The following KAT2B variants were observed in gnomAD, a reference collection of about 807,000 sequenced individuals.
KAT2B encodes the protein lysine acetyltransferase 2B, also known as histone acetyltransferase KAT2B.
A neutral mutation model predicts 105.9 loss-of-function variants in KAT2B; 36 were observed. The observed-to-expected ratio is 0.34, with a 90% CI of 0.26 to 0.45. The LOEUF is 0.45. KAT2B is among the 20% of genes least tolerant of loss of function. The pLI, the probability that KAT2B is intolerant of heterozygous loss-of-function variation, is 1.00. For synonymous variants in KAT2B, 397 were observed against 377.9 expected, an observed-to-expected ratio of 1.05 and a Z score of -0.59; for missense variants, 820 against 1,021.6, an observed-to-expected ratio of 0.80 and a Z score of 2.69.
At chr3:20,106,438 TACACACAC>T (rs10554524) in intron 5 of KAT2B, among the ~76,000 whole-genome samples, 4 of 145,714 alleles carry the variant, frequency 2.7e-5, no homozygotes, top group East Asian at 2.0e-4. Flanking sequence ...ACACCAGAAG[TACACACAC>T]ACACACACAC....
chr3:20,048,093 A>T (rs549576486), intron 1 of KAT2B, among the ~76,000 whole-genome samples: 1 of 152,234 alleles, frequency 6.6e-6, no homozygotes, highest in Admixed American at 6.5e-5. Flanking sequence ...CTTTAGCCAC[A>T]TAAGTTTATT....
chr3:20,109,704 T>G (rs1200226899), intron 5 of KAT2B, among the ~76,000 whole-genome samples: 3 of 152,184 alleles, frequency 2.0e-5, no homozygotes, highest in African/African-American at 7.2e-5. Context: ...AATTTCTATA[T>G]GAAGCACCTT....
Position 20,152,399 on chromosome 3 carries a change from C to G in KAT2B, c.2373C>G (p.Asp791Glu), listed in dbSNP as rs762298110. 1 of 1,613,380 alleles carries G rather than the reference C, an allele frequency of 6.2e-7. No individual in the cohort carries two copies. Among genetic ancestry groups the G allele is most frequent in the Non-Finnish European group, 8.5e-7 (1 of 1,179,486 alleles). Residue 791 changes from aspartate to glutamate, a missense_variant, in exon 18 of 18, where the codon GAC becomes GAG. Coordinates refer to ENST00000263754, the MANE Select transcript of KAT2B (RefSeq NM_003884.5). ...TGTCTAAGAAATTATTCATGGCAGACTTACAGCGAGTCTTTACCAATTGCA... is the reference window on the plus strand; with the variant it reads ...TGTCTAAGAAATTATTCATGGCAGAGTTACAGCGAGTCTTTACCAATTGCA... ...YYVSKKLFMADLQRVFTNCKE... is the reference protein window; with the variant it reads ...YYVSKKLFMAELQRVFTNCKE...
At chr3:20,040,928 G>C (rs763704129) in intron 1 of KAT2B, 148 bp downstream of exon 1, 7 of 998,186 alleles carry the variant, frequency 7.0e-6, no homozygotes, top group Non-Finnish European at 6.8e-6. Flanking sequence ...TGCTCTTGTC[G>C]CCCGCGCCCA....
intron 2 of KAT2B, among the ~76,000 whole-genome samples, chr3:20,072,676 C>T (rs1003519777): frequency 6.6e-6 from 1 of 152,162 alleles, no homozygotes; most frequent in Non-Finnish European, 1.5e-5. Flanking sequence ...TTCTTCCTTT[C>T]AAGAGCTGAG....
intron 13 of KAT2B, among the ~76,000 whole-genome samples, chr3:20,144,276 CTTTTTTTTTTTTT>C (rs761735374): frequency 0.4 from 35,567 of 89,964 alleles, 5,741 homozygotes; most frequent in East Asian, 0.73. Context: ...CCTTGGGATT[CTTTTTTTTTTTTT>C]TTTTTTTTTT....
At chr3:20,071,423 G>C (rs1204807263) in intron 1 of KAT2B, among the ~76,000 whole-genome samples, 1 of 152,254 alleles carries the variant, frequency 6.6e-6, no homozygotes, top group Admixed American at 6.5e-5. Flanking sequence ...AAGAATAGTA[G>C]AGAAGGGGCA....
rs1457386601 is a variant in KAT2B at position 20,040,643 on chromosome 3, A to G, written c.166A>G (p.Thr56Ala). 9 of 1,442,104 alleles carry G rather than the reference A, an allele frequency of 6.2e-6. No individual in the cohort carries two copies. The highest frequency in any genetic ancestry group is 8.2e-6 in the Non-Finnish European group (9 of 1,100,928). 89.3% of individuals were successfully genotyped at this position (1,442,104 alleles called of 1,614,324 possible). Reference sequence around the variant, plus strand: ...GGGCTCGGGCGCCTGCGGTCCGGCGACGGCAGTGGCTGCAGCGGGCACGGC... The same window carrying G: ...GGGCTCGGGCGCCTGCGGTCCGGCGGCGGCAGTGGCTGCAGCGGGCACGGC... ...AGGSGACGPA[T>A]AVAAAGTAEG... The change falls in exon 1 of 18, where the codon ACG becomes GCG. Residue 56 changes from threonine (T) to alanine (A), a missense_variant. By Grantham distance (58) the Thr-to-Ala change is moderately conservative (BLOSUM62 0). This residue lies in a region of KAT2B where 190 missense variants were observed against 176.7 expected (regional missense o/e 1.08). Coordinates refer to ENST00000263754, the MANE Select transcript of KAT2B (RefSeq NM_003884.5).
intron 1 of KAT2B, among the ~76,000 whole-genome samples, chr3:20,069,529 CTTTTT>C (rs754535544): frequency 6.1e-5 from 5 of 81,568 alleles, no homozygotes; most frequent in Non-Finnish European, 1.2e-4. Flanking sequence ...CTTTTCTTTT[CTTTTT>C]TTTTTTTTTG....
At position 20,040,448 on chromosome 3, in the gene KAT2B, T is replaced by A. The variant is rs1697689443; in HGVS notation, c.-30T>A. ...TGGCGGCGGCGGCGGCGCCTGACAC[T>A]CGGCGCCTCCTGCCGTGCTCCGGGG... On this transcript the variant is annotated 5_prime_UTR_variant, in exon 1 of 18. Transcript: ENST00000263754. 9.3e-7 allele frequency: 1 copy of A among 1,080,366 alleles called. No individual in the cohort carries two copies. Among genetic ancestry groups the A allele is most frequent in the Non-Finnish European group, 1.1e-6 (1 of 893,588 alleles). 66.9% of individuals were successfully genotyped at this position (1,080,366 alleles called of 1,614,324 possible). A position where few individuals can be genotyped will look rare whatever the true frequency, so the allele number is the denominator to read the frequency against.
intron 2 of KAT2B, among the ~76,000 whole-genome samples, chr3:20,086,438 A>C (rs2125190446): frequency 6.6e-6 from 1 of 152,212 alleles, no homozygotes; most frequent in South Asian, 2.1e-4. Flanking sequence ...GCGCCAACGG[A>C]AAATACAAAA....
chr3:20,051,593 T>C (rs1697917129), intron 1 of KAT2B, among the ~76,000 whole-genome samples: 1 of 152,196 alleles, frequency 6.6e-6, no homozygotes, highest in Non-Finnish European at 1.5e-5. Flanking sequence ...GTGGGCCTAG[T>C]TGATAGAGAT....
intron 3 of KAT2B, among the ~76,000 whole-genome samples, chr3:20,098,846 G>A (rs1435096893): frequency 6.6e-6 from 1 of 152,138 alleles, no homozygotes; most frequent in Non-Finnish European, 1.5e-5. Flanking sequence ...CCCCTGGAAG[G>A]AGTTGAGGTC....
chr3:20,125,928 G>T lies in KAT2B; in HGVS notation c.1437G>T (p.Ser479=), dbSNP rs143548388. 2.4e-5 allele frequency: 39 copies of T among 1,613,686 alleles called. No homozygotes were observed. Among genetic ancestry groups the T allele is most frequent in the Non-Finnish European group, 3.1e-5 (37 of 1,179,980 alleles). The change falls in exon 10 of 18, where the codon TCG becomes TCT. Residue 479 remains serine, a synonymous_variant. Transcript: ENST00000263754. The part of the protein sequence containing the change: ...GPETNFLSAH[S]ARDEAARLEE... ...AGACCAATTTTCTGTCAGCACACTC[G>T]GCCAGGGATGAGGCGGCAAGGTTGG...
At chr3:20,105,301 T>C (rs1698980512) in intron 5 of KAT2B, among the ~76,000 whole-genome samples, 1 of 152,248 alleles carries the variant, frequency 6.6e-6, no homozygotes, top group Non-Finnish European at 1.5e-5. Context: ...TTCATGATAG[T>C]ACACTATTTA....
At chr3:20,113,986 A>G (rs1217531779) in intron 6 of KAT2B, among the ~76,000 whole-genome samples, 4 of 152,164 alleles carry the variant, frequency 2.6e-5, no homozygotes, top group Non-Finnish European at 5.9e-5. Context: ...AACTATTTTT[A>G]GTGCTTTTAG....
At chr3:20,149,250 GTCTCT>G (rs1343544992) in intron 17 of KAT2B, among the ~76,000 whole-genome samples, 2 of 152,002 alleles carry the variant, frequency 1.3e-5, no homozygotes, top group African/African-American at 4.8e-5. Flanking sequence ...AGAGTCTTCT[GTCTCT>G]TTTCTACCTG....
At chr3:20,140,480 T>C in intron 13 of KAT2B, 116 bp downstream of exon 13, 1 of 1,023,908 alleles carries the variant, frequency 9.8e-7, no homozygotes, top group South Asian at 1.6e-5. Flanking sequence ...CTCGGTTTGC[T>C]GTGGGTTATC....
chr3:20,082,581 T>C (rs1306714680), intron 2 of KAT2B, among the ~76,000 whole-genome samples: 1 of 152,214 alleles, frequency 6.6e-6, no homozygotes, highest in Non-Finnish European at 1.5e-5. Flanking sequence ...TTGACTTTTA[T>C]AACATTGACA....
Sources: allele counts gnomAD v4.1 joint callset (sites outside exome capture counted in the v4.1 genomes callset), GRCh38; gene constraint gnomAD v4.1.1; regional missense constraint gnomAD v4.1.1; transcripts MANE v1.5; gene names NCBI Gene and HGNC (gene_info 2026-07-23, HGNC 2026-07-21).